Variants in PRELID2 observed in about 807,000 individuals in gnomAD.
PRELID2 encodes PRELI domain containing 2.
Under a neutral mutation model 28.4 loss-of-function variants are expected in PRELID2, and 25 were observed. That is an observed-to-expected ratio of 0.88 (90% confidence interval 0.64 to 1.23). The LOEUF is 1.23. Ranked by LOEUF, PRELID2 falls within the 50% of genes most tolerant of loss-of-function variation. The pLI, the probability that PRELID2 is intolerant of heterozygous loss-of-function variation, is 0.00. For synonymous variants in PRELID2, 76 were observed against 71.6 expected (o/e 1.06, Z -0.31); for missense variants, 201 against 214.4 (o/e 0.94, Z 0.39).
At chr5:145,817,207 AT>A (rs1561643742) in intron 4 of PRELID2, among the ~76,000 whole-genome samples, 3,553 of 90,192 alleles carry the variant, frequency 0.039, 209 homozygotes, top group East Asian at 0.094. Flanking sequence ...AAATAAATAA[AT>A]AAATAAAAAA....
intron 1 of PRELID2, among the ~76,000 whole-genome samples, chr5:145,682,459 G>C (rs1202117040): frequency 6.6e-6 from 1 of 152,174 alleles, no homozygotes; most frequent in African/African-American, 2.4e-5. Context: ...TAACAGACCT[G>C]GCTTCATTTT....
At chr5:145,707,364 A>G (rs1049033672) in intron 1 of PRELID2, among the ~76,000 whole-genome samples, 4 of 152,102 alleles carry the variant, frequency 2.6e-5, no homozygotes, top group African/African-American at 9.7e-5. Context: ...GGCTCAGCTG[A>G]CCTTTGGAAT....
intron 4 of PRELID2, among the ~76,000 whole-genome samples, chr5:145,816,430 T>C (rs1221281419): frequency 6.6e-6 from 1 of 152,200 alleles, no homozygotes; most frequent in African/African-American, 2.4e-5. Context: ...AAGTTTCTAA[T>C]TGATGACATC....
intron 4 of PRELID2, among the ~76,000 whole-genome samples, chr5:145,816,284 T>C (rs1254883232): frequency 6.6e-6 from 1 of 151,890 alleles, no homozygotes; most frequent in Non-Finnish European, 1.5e-5. Context: ...GATTTTGCCA[T>C]GTGACTAGGG....
intron 1 of PRELID2, among the ~76,000 whole-genome samples, chr5:145,518,912 C>T (rs946712438): frequency 2.6e-5 from 4 of 152,184 alleles, no homozygotes; most frequent in South Asian, 2.1e-4. Context: ...GAGAAACTTG[C>T]TCTATGGTAA....
chr5:145,796,464 A>T lies in PRELID2; in HGVS notation c.452T>A (p.Phe151Tyr), dbSNP rs890707292. 1.2e-6 allele frequency: 2 copies of T among 1,610,358 alleles called. No individual in the cohort carries two copies. The highest frequency in any genetic ancestry group is 1.7e-6 in the Non-Finnish European group (2 of 1,177,680). Residue 151 changes from phenylalanine to tyrosine, a missense_variant, in exon 5 of 7, where the codon TTC becomes TAC. Transcript: ENST00000683046. ...TACCTTCTGGGCTCCCTGTCGTAAGAATGTGCTGGCAAAAGTTTCTAAAAC... is the reference window on the plus strand; with the variant it reads ...TACCTTCTGGGCTCCCTGTCGTAAGTATGTGCTGGCAAAAGTTTCTAAAAC... ...NCVLETFAST[F>Y]LRQGAQKGIR...
intron 1 of PRELID2, among the ~76,000 whole-genome samples, chr5:145,568,466 G>A (rs1371378108): frequency 2.0e-5 from 3 of 152,140 alleles, no homozygotes; most frequent in African/African-American, 4.8e-5. Flanking sequence ...CAACTAATTA[G>A]ATCAGCGATC....
chr5:145,379,791 G>T, the PRELID2 span, among the ~76,000 whole-genome samples: 1 of 152,162 alleles, frequency 6.6e-6, no homozygotes, highest in Non-Finnish European at 1.5e-5. Flanking sequence ...ACCTGCAGGA[G>T]CTCTGCAAGT....
chr5:145,737,828 C>G (rs148625629), intron 1 of PRELID2, among the ~76,000 whole-genome samples: 64 of 152,328 alleles, frequency 4.2e-4, no homozygotes, highest in African/African-American at 1.4e-3. Context: ...CAGAGAAGAC[C>G]TAGTAGGGAG....
the PRELID2 span, among the ~76,000 whole-genome samples, chr5:145,411,379 G>C: frequency 6.6e-6 from 1 of 152,020 alleles, no homozygotes; most frequent in East Asian, 1.9e-4. Flanking sequence ...CACAACATGC[G>C]GGAATTCAAG....
intron 1 of PRELID2, among the ~76,000 whole-genome samples, chr5:145,692,185 G>A (rs186147137): frequency 9.2e-5 from 14 of 152,100 alleles, no homozygotes; most frequent in African/African-American, 1.2e-4. Context: ...TTTCTATGCC[G>A]GCATTTATAA....
chr5:145,375,234 G>T, the PRELID2 span, among the ~76,000 whole-genome samples: 1 of 152,052 alleles, frequency 6.6e-6, no homozygotes, highest in African/African-American at 2.4e-5. Context: ...TCCCACTTCT[G>T]TAGGGCTGCT....
the PRELID2 span, among the ~76,000 whole-genome samples, chr5:145,243,472 T>C: frequency 6.6e-6 from 1 of 152,032 alleles, no homozygotes; most frequent in Non-Finnish European, 1.5e-5. Flanking sequence ...ATTGAAATAG[T>C]AAAGTCCATT....
chr5:145,503,566 A>G (rs1308634543), intron 1 of PRELID2, among the ~76,000 whole-genome samples: 2 of 152,140 alleles, frequency 1.3e-5, no homozygotes, highest in African/African-American at 4.8e-5. Flanking sequence ...CATTTTACAG[A>G]TGAGAAAACT....
intron 1 of PRELID2, among the ~76,000 whole-genome samples, chr5:145,669,985 G>A (rs972181643): frequency 2.0e-5 from 3 of 152,046 alleles, no homozygotes; most frequent in Admixed American, 6.6e-5. Context: ...TCACTGACCA[G>A]TTTCATTTTC....
At chr5:145,579,668 A>G (rs1215314050) in intron 1 of PRELID2, among the ~76,000 whole-genome samples, 2 of 152,116 alleles carry the variant, frequency 1.3e-5, no homozygotes, top group East Asian at 3.8e-4. Context: ...ATAAATACAA[A>G]AAAGACTTTT....
rs144172202 is a variant in PRELID2, at chr5:145,772,455, T to C, written c.475-7455A>G. Among the ~76,000 whole-genome samples the C allele has an allele frequency of 2.5e-3, 380 of 152,312 alleles. 3 individuals are homozygous for C. Among genetic ancestry groups the C allele is most frequent in the African/African-American group, 8.9e-3 (370 of 41,572 alleles). ...GATTTGTAAACAAAAAAAAAGTTTATTTGGTTTACAGTGCTGGAGGCTGGG... is the reference window on the plus strand; with the variant it reads ...GATTTGTAAACAAAAAAAAAGTTTACTTGGTTTACAGTGCTGGAGGCTGGG... On this transcript the variant is annotated intron_variant, in intron 5 of 6. Transcript: ENST00000683046.
chr5:145,722,688 C>T (rs1162769249), intron 1 of PRELID2, among the ~76,000 whole-genome samples: 4 of 151,960 alleles, frequency 2.6e-5, no homozygotes, highest in African/African-American at 9.7e-5. Context: ...TTGTTAGAGA[C>T]GGGGTTTCAC....
intron 1 of PRELID2, among the ~76,000 whole-genome samples, chr5:145,704,667 C>T (rs181373048): frequency 4.5e-4 from 68 of 152,242 alleles, no homozygotes; most frequent in Middle Eastern, 3.4e-3. Context: ...AATAGTTTTC[C>T]GCAGGAGCCA....
Sources: gnomAD v4.1 joint callset for allele counts (sites outside exome capture counted in the v4.1 genomes callset) on GRCh38, gnomAD v4.1.1 for gene constraint, MANE v1.5 for transcripts, NCBI Gene and HGNC (gene_info 2026-07-23, HGNC 2026-07-21) for gene names.